The following PDE1C variants were observed in gnomAD, a reference collection of about 807,000 sequenced individuals.
PDE1C encodes dual specificity calcium/calmodulin-dependent 3',5'-cyclic nucleotide phosphodiesterase 1C.
Under a neutral mutation model 93.1 loss-of-function variants are expected in PDE1C, and 62 were observed. The ratio of observed to expected loss-of-function variants is 0.67; its 90% CI spans 0.54 to 0.82. The LOEUF is 0.82. PDE1C is among the 40% of genes least tolerant of loss of function. The pLI is 0.00. For missense variants in PDE1C, 742 were observed against 884.6 expected, an observed-to-expected ratio of 0.84 and a Z score of 2.04; for synonymous variants, 325 against 310.1, an observed-to-expected ratio of 1.05 and a Z score of -0.50.
rs923235635 is a variant in PDE1C at position 32,330,793 on chromosome 7, C to G, written c.310+97029G>C. 2.0e-5 allele frequency among the ~76,000 whole-genome samples: 3 copies of G among 152,172 alleles called. No individual in the cohort carries two copies. The South Asian group carries it at 6.2e-4, about 32-fold the overall frequency. ...CCCCAAGCTTGTTCTGTCCCCAGAA[C>G]AGAAGTCCCTAAAAACACTATGGGT... On this transcript the variant is annotated intron_variant, in intron 1 of 1. Transcript: ENST00000672256.
At chr7:31,633,139 C>T in the PDE1C span, among the ~76,000 whole-genome samples, 3 of 151,910 alleles carry the variant, frequency 2.0e-5, no homozygotes, top group Non-Finnish European at 4.4e-5. Flanking sequence ...CCTGCCTCAG[C>T]CTCCCAAAGT....
At chr7:31,805,142 C>G (rs1293385223) in intron 16 of PDE1C, among the ~76,000 whole-genome samples, 1 of 151,750 alleles carries the variant, frequency 6.6e-6, no homozygotes, top group African/African-American at 2.4e-5. Context: ...TTGCCTTCCA[C>G]CATGACTATG....
At chr7:32,310,999 C>A (rs1783022844) in intron 1 of PDE1C, among the ~76,000 whole-genome samples, 1 of 152,164 alleles carries the variant, frequency 6.6e-6, no homozygotes. Context: ...AATTGATAGA[C>A]CGCTAGCAAG....
intron 1 of PDE1C, among the ~76,000 whole-genome samples, chr7:32,388,393 C>G (rs1042426215): frequency 6.6e-6 from 1 of 152,030 alleles, no homozygotes; most frequent in Non-Finnish European, 1.5e-5. Flanking sequence ...TTTTTATGGA[C>G]CACATGAACA....
intron 1 of PDE1C, among the ~76,000 whole-genome samples, chr7:32,059,569 C>T (rs1794552118): frequency 6.6e-6 from 1 of 152,160 alleles, no homozygotes; most frequent in Admixed American, 6.5e-5. Flanking sequence ...AAATCTGCTG[C>T]TCATGCCTGC....
At chr7:32,060,778 CA>C in intron 1 of PDE1C, among the ~76,000 whole-genome samples, 1 of 151,916 alleles carries the variant, frequency 6.6e-6, no homozygotes, top group Admixed American at 6.6e-5. Flanking sequence ...AGTTCTGAAA[CA>C]ACATTTATGA....
chr7:32,094,278 G>GC (rs1441323439), intron 3 of PDE1C, among the ~76,000 whole-genome samples: 1 of 152,138 alleles, frequency 6.6e-6, no homozygotes, highest in African/African-American at 2.4e-5. Flanking sequence ...CTCCAGAGCT[G>GC]CCTCCAGCCC....
intron 11 of PDE1C, among the ~76,000 whole-genome samples, chr7:31,834,973 T>C (rs1345729706): frequency 6.6e-6 from 1 of 152,070 alleles, no homozygotes; most frequent in Non-Finnish European, 1.5e-5. Context: ...GAATCCTGGG[T>C]GCGGTTTCCC....
chr7:32,265,641 T>G (rs987753713), intron 1 of PDE1C, among the ~76,000 whole-genome samples: 1 of 152,228 alleles, frequency 6.6e-6, no homozygotes, highest in African/African-American at 2.4e-5. Flanking sequence ...TTCTGTTTCA[T>G]GAGTCAAGAA....
chr7:31,930,460 T>G (rs1490848485), intron 2 of PDE1C, among the ~76,000 whole-genome samples: 1 of 152,004 alleles, frequency 6.6e-6, no homozygotes, highest in Admixed American at 6.6e-5. Context: ...CAACAAAAAA[T>G]GAAAATTTCA....
At chr7:31,645,612 A>G in the PDE1C span, among the ~76,000 whole-genome samples, 2 of 152,030 alleles carry the variant, frequency 1.3e-5, no homozygotes, top group South Asian at 4.2e-4. Context: ...ACCACCCACC[A>G]CCACCATCAT....
At chr7:32,080,126 T>C (rs1224777986) in intron 3 of PDE1C, among the ~76,000 whole-genome samples, 3 of 152,118 alleles carry the variant, frequency 2.0e-5, no homozygotes, top group African/African-American at 7.2e-5. Context: ...AGCTAAGTTG[T>C]GGCAGGAGCA....
the PDE1C span, among the ~76,000 whole-genome samples, chr7:31,637,280 T>C: frequency 6.6e-6 from 1 of 152,170 alleles, no homozygotes; most frequent in Non-Finnish European, 1.5e-5. Flanking sequence ...TCAAATGGTA[T>C]TTCTAGTTGT....
At chr7:32,427,768 A>G (rs987783475) in intron 1 of PDE1C, 1 of 152,278 alleles carries the variant, frequency 6.6e-6, no homozygotes, top group Non-Finnish European at 1.5e-5. Context: ...TTTCCCCCAG[A>G]AAGTCTCCAG....
intron 2 of PDE1C, among the ~76,000 whole-genome samples, chr7:32,042,111 C>T (rs552433751): frequency 6.6e-6 from 1 of 152,206 alleles, no homozygotes; most frequent in East Asian, 1.9e-4. Context: ...ACCAGCCTGG[C>T]CAACATAGTA....
rs1796796754 is a variant in PDE1C at position 32,082,900 on chromosome 7, G to A, written c.308+86885C>T. Among the ~76,000 whole-genome samples, 3 of 150,854 alleles carry A rather than the reference G, an allele frequency of 2.0e-5. No homozygotes were observed. In the South Asian group the frequency reaches 6.4e-4, roughly 32 times the overall value. On this transcript the variant is annotated intron_variant, in intron 3 of 18. Transcript: ENST00000396193. ...AAAGTAGATAAAACCACAAAGATGG[G>A]GAAAAAACAGAGCAGAAAAACTGGA...
chr7:31,704,512 A>G, the PDE1C span, among the ~76,000 whole-genome samples: 1 of 152,238 alleles, frequency 6.6e-6, no homozygotes, highest in African/African-American at 2.4e-5. Flanking sequence ...CTAAATCCCT[A>G]CTGCATTCTA....
the PDE1C span, among the ~76,000 whole-genome samples, chr7:31,628,857 G>T: frequency 6.6e-6 from 1 of 152,140 alleles, no homozygotes; most frequent in South Asian, 2.1e-4. Context: ...CTTACTGTCT[G>T]AACATTTGAT....
chr7:31,860,132 C>A (rs1325435880), intron 7 of PDE1C, among the ~76,000 whole-genome samples: 1 of 152,142 alleles, frequency 6.6e-6, no homozygotes, highest in African/African-American at 2.4e-5. Context: ...TACCAATTTA[C>A]CCTCAGATGA....
Sources: gnomAD v4.1 joint callset for allele counts (sites outside exome capture counted in the v4.1 genomes callset) on GRCh38, gnomAD v4.1.1 for gene constraint, MANE v1.5 for transcripts, NCBI Gene and HGNC (gene_info 2026-07-23, HGNC 2026-07-21) for gene names.